ADGRB3: variants seen among roughly 807,000 people sequenced by gnomAD.
ADGRB3 encodes adhesion G protein-coupled receptor B3.
ADGRB3 carries 37 observed loss-of-function variants against 193.4 expected under a neutral mutation model. The ratio of observed to expected loss-of-function variants is 0.19; its 90% CI spans 0.15 to 0.25. The LOEUF (loss-of-function observed/expected upper bound fraction) is 0.25. Among genes scored for constraint, ADGRB3 ranks in the 10% least tolerant of loss-of-function variants. The probability of loss-of-function intolerance (pLI) is 1.00; values close to 1 mark genes in which losing one functional copy is unlikely to be tolerated. For missense variants in ADGRB3, 1,637 were observed against 1,852.9 expected, an observed-to-expected ratio of 0.88 and a Z score of 2.14; for synonymous variants, 690 against 644.2, an observed-to-expected ratio of 1.07 and a Z score of -1.08.
chr6:68,912,188 G>T (rs1458589961), intron 3 of ADGRB3, among the ~76,000 whole-genome samples: 2 of 151,612 alleles, frequency 1.3e-5, no homozygotes, highest in Non-Finnish European at 2.9e-5. Flanking sequence ...GGTCTATAGA[G>T]GACACCAAAA....
intron 3 of ADGRB3, among the ~76,000 whole-genome samples, chr6:68,714,018 A>G (rs1235670593): frequency 2.0e-5 from 3 of 151,760 alleles, no homozygotes; most frequent in African/African-American, 4.8e-5. Flanking sequence ...GAATAACTTT[A>G]TTCATGAGAA....
intron 17 of ADGRB3, among the ~76,000 whole-genome samples, chr6:69,221,743 A>G (rs1394672373): frequency 6.6e-6 from 1 of 152,152 alleles, no homozygotes; most frequent in Non-Finnish European, 1.5e-5. Context: ...ATAATTTTGA[A>G]AGAAGGTGTT....
chr6:68,680,462 T>G (rs1190145234), intron 3 of ADGRB3, among the ~76,000 whole-genome samples: 1 of 152,152 alleles, frequency 6.6e-6, no homozygotes, highest in Admixed American at 6.6e-5. Flanking sequence ...GGCCCAGCTA[T>G]GCACTTTGGT....
intron 3 of ADGRB3, among the ~76,000 whole-genome samples, chr6:68,922,364 A>G (rs1767067413): frequency 6.6e-6 from 1 of 152,248 alleles, no homozygotes; most frequent in Non-Finnish European, 1.5e-5. Context: ...TAAAATAAGT[A>G]TTAGGCAATC....
At chr6:68,955,982 T>C in intron 6 of ADGRB3, 42 bp from the exon 7 acceptor site, 2 of 1,596,298 alleles carry the variant, frequency 1.3e-6, no homozygotes, top group Non-Finnish European at 8.5e-7. Flanking sequence ...GCTTGTCCTA[T>C]TGGAAGATAT....
At chr6:69,300,249 C>T (rs1002567671) in intron 20 of ADGRB3, among the ~76,000 whole-genome samples, 62 of 151,784 alleles carry the variant, frequency 4.1e-4, no homozygotes, top group African/African-American at 1.4e-3. Flanking sequence ...GCAGAGAAAA[C>T]ATTTAATGAA....
At chr6:69,189,311 C>G (rs1020488666) in intron 17 of ADGRB3, among the ~76,000 whole-genome samples, 2 of 152,144 alleles carry the variant, frequency 1.3e-5, no homozygotes, top group Admixed American at 1.3e-4. Context: ...ACCTAAGGCT[C>G]ATTATCAGTT....
At chr6:68,873,207 A>T (rs1319930742) in intron 3 of ADGRB3, among the ~76,000 whole-genome samples, 1 of 152,164 alleles carries the variant, frequency 6.6e-6, no homozygotes, top group African/African-American at 2.4e-5. Context: ...AAGATGTCTT[A>T]AAATAGGTGG....
At chr6:68,748,422 C>T (rs1766127289) in intron 3 of ADGRB3, among the ~76,000 whole-genome samples, 1 of 152,060 alleles carries the variant, frequency 6.6e-6, no homozygotes. Context: ...TTGGTCAAAA[C>T]AAAGGGGTTA....
intron 13 of ADGRB3, among the ~76,000 whole-genome samples, chr6:69,045,587 G>T (rs1183224610): frequency 6.6e-6 from 1 of 151,938 alleles, no homozygotes; most frequent in African/African-American, 2.4e-5. Context: ...ATACCACAAT[G>T]TATACATATT....
chr6:69,373,961 A>G (rs549761513), intron 30 of ADGRB3, among the ~76,000 whole-genome samples: 7 of 152,200 alleles, frequency 4.6e-5, no homozygotes, highest in African/African-American at 1.2e-4. Context: ...TCTATTCTCT[A>G]TGGCAACTGG....
chr6:69,369,610 A>G (rs1418292795), intron 29 of ADGRB3, among the ~76,000 whole-genome samples: 1 of 151,342 alleles, frequency 6.6e-6, no homozygotes, highest in African/African-American at 2.4e-5. Context: ...AGGTGGAAGG[A>G]TCACTTGAGC....
intron 16 of ADGRB3, among the ~76,000 whole-genome samples, chr6:69,066,238 C>A (rs1212154689): frequency 6.6e-6 from 1 of 151,052 alleles, no homozygotes; most frequent in Non-Finnish European, 1.5e-5. Context: ...ATATTTGTTG[C>A]CTTCAAATTT....
rs896156902 is a variant in ADGRB3 at position 68,635,564 on chromosome 6, C to T, written c.-624C>T. The stretch of plus-strand genomic sequence containing the variant: ...AACAAATCTGCCATAGCAGCCGCCG[C>T]CGCCGCCGGTCACTTCTCGTCTCAG... On this transcript the variant is annotated 5_prime_UTR_variant, in exon 1 of 32. Transcript: ENST00000370598. 6.5e-5 allele frequency: 10 copies of T among 154,764 alleles called. No homozygotes were observed. Among genetic ancestry groups the T allele is most frequent in the South Asian group, 2.0e-4 (1 of 4,982 alleles). 9.6% of individuals were successfully genotyped at this position (154,764 alleles called of 1,614,324 possible).
At chr6:68,828,391 A>G (rs1015941990) in intron 3 of ADGRB3, among the ~76,000 whole-genome samples, 3 of 152,190 alleles carry the variant, frequency 2.0e-5, no homozygotes, top group African/African-American at 7.2e-5. Flanking sequence ...TGTTATTTAG[A>G]CATTCAAAAC....
chr6:69,106,164 T>TAAAAAAAAAAAAAAAAAAAAA (rs61114782), intron 17 of ADGRB3, among the ~76,000 whole-genome samples: 119 of 90,976 alleles, frequency 1.3e-3, no homozygotes, highest in Non-Finnish European at 1.8e-3. Flanking sequence ...GAGACTGCGT[T>TAAAAAAAAAAAAAAAAAAAAA]AAAAAAAAAA....
At chr6:69,128,865 C>A (rs929263167) in intron 17 of ADGRB3, among the ~76,000 whole-genome samples, 1 of 152,116 alleles carries the variant, frequency 6.6e-6, no homozygotes, top group Non-Finnish European at 1.5e-5. Context: ...ACCTAAGGAT[C>A]AACTTAGATA....
At chr6:69,240,078 C>T (rs1024066641) in intron 20 of ADGRB3, among the ~76,000 whole-genome samples, 5 of 151,930 alleles carry the variant, frequency 3.3e-5, no homozygotes, top group Admixed American at 6.6e-5. Flanking sequence ...TAATCATATA[C>T]ACTTTGATAG....
chr6:69,061,907 A>G (rs151054438), intron 15 of ADGRB3, among the ~76,000 whole-genome samples: 1 of 152,140 alleles, frequency 6.6e-6, no homozygotes, highest in African/African-American at 2.4e-5. Flanking sequence ...CTTACATGGT[A>G]GTATATTATC....
Sources: gnomAD v4.1 joint callset for allele counts (sites outside exome capture counted in the v4.1 genomes callset) on GRCh38, gnomAD v4.1.1 for gene constraint, MANE v1.5 for transcripts, NCBI Gene and HGNC (gene_info 2026-07-23, HGNC 2026-07-21) for gene names.